SEMA3F: variants seen among roughly 807,000 people sequenced by gnomAD.
SEMA3F encodes semaphorin 3F.
Under a neutral mutation model 98.5 loss-of-function variants are expected in SEMA3F, and 30 were observed. The ratio of observed to expected loss-of-function variants is 0.30; its 90% CI spans 0.23 to 0.41. The LOEUF (loss-of-function observed/expected upper bound fraction) is 0.41, where lower values mean the gene tolerates loss of function less well. Ranked by LOEUF, SEMA3F falls within the 10% of genes least tolerant of loss-of-function variation. The pLI is 1.00. For synonymous variants in SEMA3F, 380 were observed against 444.8 expected, an observed-to-expected ratio of 0.85 and a Z score of 1.83; for missense variants, 866 against 1,119.3, an observed-to-expected ratio of 0.77 and a Z score of 3.23.
Position 50,183,507 on chromosome 3 carries a change from GC to G in SEMA3F, c.1179del (p.Asn394ThrfsTer28). ...ACGGGCCCTTTGCCCACAAAGAGGG[GC>G]CCAACTACCAGTGGATGCCCTTCTC... ...FNGPFAHKEG[P>X]NYQWMPFSGK... On this transcript the variant is annotated frameshift_variant, in exon 12 of 19. Coordinates refer to ENST00000002829, the MANE Select transcript of SEMA3F (RefSeq NM_004186.5). LOFTEE classifies it high-confidence loss of function. 6.2e-7 allele frequency: 1 copy of G among 1,614,088 alleles called. No homozygotes were observed. Among genetic ancestry groups the G allele is most frequent in the Non-Finnish European group, 8.5e-7 (1 of 1,180,036 alleles).
At chr3:50,155,102 C>T, upstream of SEMA3F, 1 of 411,810 alleles carries the variant, frequency 2.4e-6, no homozygotes, top group Non-Finnish European at 4.5e-6. The surrounding 1 kb of genome is among the most constrained non-coding windows in gnomAD (Gnocchi z 4.9). Flanking sequence ...AGCGAGCGAA[C>T]GAACCGCGGC....
chr3:50,177,607 A>C (rs1159871885), intron 7 of SEMA3F, among the ~76,000 whole-genome samples: 1 of 152,228 alleles, frequency 6.6e-6, no homozygotes. Context: ...GCACAGCCCA[A>C]ATCACTCTGA....
intron 17 of SEMA3F, 42 bp from the exon 18 acceptor site, chr3:50,186,571 C>G (rs112140180): frequency 1.3e-6 from 2 of 1,568,512 alleles, no homozygotes; most frequent in Non-Finnish European, 1.7e-6. Context: ...GCAGGCTGCC[C>G]GGAGGTGATG....
At position 50,159,372 on chromosome 3, in the gene SEMA3F, AC is replaced by A. The variant is rs1698117808; in HGVS notation, c.-48-199del. On this transcript the variant is annotated intron_variant, in intron 1 of 18. Transcript: ENST00000002829. ...CCAGCAGCCCCCATCAGTTCTGGTG[AC>A]CCCAGGCTGGGGCCTATTGGTACTA... The A allele has an allele frequency of 2.2e-5, 10 of 460,890 alleles. No individual in the cohort carries two copies. In the South Asian group the frequency reaches 3.6e-4, roughly 16 times the overall value. 28.6% of individuals were successfully genotyped at this position (460,890 alleles called of 1,614,324 possible).
intron 2 of SEMA3F, among the ~76,000 whole-genome samples, chr3:50,161,080 G>A (rs1277490235): frequency 6.6e-6 from 1 of 152,176 alleles, no homozygotes; most frequent in African/African-American, 2.4e-5. Flanking sequence ...TCTTGAAGGG[G>A]CCAGTTCCCC....
intron 18 of SEMA3F, 48 bp downstream of exon 18, chr3:50,186,794 A>G (rs1458529028): frequency 1.3e-6 from 2 of 1,509,366 alleles, no homozygotes; most frequent in Non-Finnish European, 8.9e-7. Flanking sequence ...GTCCTTGCAC[A>G]GTGGTGAAAT....
At chr3:50,181,457 G>C (rs1005316858) in intron 7 of SEMA3F, among the ~76,000 whole-genome samples, 3 of 151,762 alleles carry the variant, frequency 2.0e-5, no homozygotes, top group African/African-American at 7.3e-5. Context: ...GAGTAGCTGG[G>C]ACTACATGCG....
intron 12 of SEMA3F, among the ~76,000 whole-genome samples, chr3:50,183,826 G>GT (rs1699109248): frequency 6.6e-6 from 1 of 152,206 alleles, no homozygotes; most frequent in South Asian, 2.1e-4. Flanking sequence ...GGAGCTGAAG[G>GT]TTGGGGGGAA....
rs1309689130 is a variant in SEMA3F at position 50,183,518 on chromosome 3, A to G, written c.1187A>G (p.Gln396Arg). Residue 396 changes from glutamine (Q) to arginine (R), a missense_variant, in exon 12 of 19, where the codon CAG becomes CGG. Transcript: ENST00000002829. ...PFAHKEGPNYQWMPFSGKMPY... is the reference protein window; with the variant it reads ...PFAHKEGPNYRWMPFSGKMPY... ...GCCCACAAAGAGGGGCCCAACTACC[A>G]GTGGATGCCCTTCTCAGGGAAGATG... The G allele has an allele frequency of 3.1e-6, 5 of 1,613,942 alleles. No homozygotes were observed. The Admixed American group carries it at 8.3e-5, about 27-fold the overall frequency.
intron 5 of SEMA3F, among the ~76,000 whole-genome samples, chr3:50,174,758 C>T (rs554574304): frequency 5.9e-5 from 9 of 152,328 alleles, no homozygotes; most frequent in Admixed American, 5.2e-4. Flanking sequence ...GGGAGAGCTG[C>T]CTTCCACCCC....
intron 7 of SEMA3F, among the ~76,000 whole-genome samples, chr3:50,180,958 T>A (rs184814665): frequency 6.6e-6 from 1 of 151,912 alleles, no homozygotes. Context: ...TCCCAGCTAC[T>A]TGGGAGGCTG....
At chr3:50,170,180 A>C (rs1280523094) in intron 2 of SEMA3F, among the ~76,000 whole-genome samples, 1 of 152,040 alleles carries the variant, frequency 6.6e-6, no homozygotes, top group Non-Finnish European at 1.5e-5. Flanking sequence ...CTGGAACCTT[A>C]CACCTTCTTT....
At chr3:50,178,339 A>G (rs1443082285) in intron 7 of SEMA3F, among the ~76,000 whole-genome samples, 1 of 152,104 alleles carries the variant, frequency 6.6e-6, no homozygotes, top group Non-Finnish European at 1.5e-5. Context: ...CTCCTTGCAC[A>G]CCTCCATCAG....
rs751082488 is a variant in SEMA3F at position 50,184,584 on chromosome 3, G to T, written c.1234-8G>T. 6.2e-7 allele frequency: 1 copy of T among 1,609,600 alleles called. No homozygotes were observed. Among genetic ancestry groups the T allele is most frequent in the Admixed American group, 1.7e-5 (1 of 59,978 alleles). ...AGCCTGGGACTGACACTCGCCACCT[G>T]TCCACAGTGCCCTGGTGGAACCTTC... On this transcript the variant is annotated splice_region_variant and splice_polypyrimidine_tract_variant and intron_variant, in intron 12 of 18. Coordinates refer to ENST00000002829, the MANE Select transcript of SEMA3F (RefSeq NM_004186.5).
chr3:50,169,735 G>A (rs547005492), intron 2 of SEMA3F, among the ~76,000 whole-genome samples: 4 of 152,372 alleles, frequency 2.6e-5, no homozygotes, highest in African/African-American at 7.2e-5. Flanking sequence ...AAGTGGAGCA[G>A]ATGTGGGGAT....
At chr3:50,177,402 C>T (rs1698853437) in intron 7 of SEMA3F, among the ~76,000 whole-genome samples, 1 of 152,158 alleles carries the variant, frequency 6.6e-6, no homozygotes, top group African/African-American at 2.4e-5. Flanking sequence ...AGCTGCTGCC[C>T]CTAACTGCAG....
intron 7 of SEMA3F, among the ~76,000 whole-genome samples, chr3:50,178,829 C>CTTTTTTTT (rs1226887922): frequency 4.0e-5 from 3 of 75,160 alleles, no homozygotes; most frequent in African/African-American, 1.0e-4. Flanking sequence ...AATTCTTTTT[C>CTTTTTTTT]TTTTTTTTTT....
chr3:50,183,094 C>T (rs1403750162), intron 10 of SEMA3F, 76 bp downstream of exon 10: 1 of 1,571,574 alleles, frequency 6.4e-7, no homozygotes, highest in African/African-American at 1.4e-5. Flanking sequence ...ATCAGGGTGC[C>T]TTTGGTGGGC....
At chr3:50,170,625 A>G (rs1479474635) in intron 2 of SEMA3F, among the ~76,000 whole-genome samples, 1 of 152,066 alleles carries the variant, frequency 6.6e-6, no homozygotes, top group Non-Finnish European at 1.5e-5. Context: ...CACTTTGAAT[A>G]TCAGTACCAG....
Sources: allele counts gnomAD v4.1 joint callset (sites outside exome capture counted in the v4.1 genomes callset), GRCh38; gene constraint gnomAD v4.1.1; non-coding constraint Gnocchi (gnomAD v3.1); transcripts MANE v1.5; gene names NCBI Gene and HGNC (gene_info 2026-07-23, HGNC 2026-07-21).